Variants in LRIG3 observed in about 807,000 individuals in gnomAD.
The protein encoded by LRIG3 is leucine rich repeats and immunoglobulin like domains 3, also known as leucine-rich repeats and immunoglobulin-like domains protein 3.
In LRIG3, 76 loss-of-function variants were observed where a neutral mutation model predicts 114.5. The observed-to-expected ratio is 0.66, with a 90% CI of 0.55 to 0.80. LRIG3 has a LOEUF of 0.80. Ranked by LOEUF, LRIG3 falls within the 30% of genes least tolerant of loss-of-function variation. The pLI is 0.00. For missense variants in LRIG3, 1,239 were observed against 1,382.8 expected, an observed-to-expected ratio of 0.90 and a Z score of 1.65; for synonymous variants, 512 against 519.8, an observed-to-expected ratio of 0.98 and a Z score of 0.20.
chr12:58,890,368 T>A (rs1008260653), intron 4 of LRIG3, among the ~76,000 whole-genome samples: 4 of 152,242 alleles, frequency 2.6e-5, no homozygotes, highest in Admixed American at 2.6e-4. Context: ...ATCCACTTTT[T>A]ATGACATTCA....
chr12:58,886,936 G>T, intron 8 of LRIG3, 46 bp from the exon 9 acceptor site: 1 of 1,486,950 alleles, frequency 6.7e-7, no homozygotes, highest in Non-Finnish European at 9.3e-7. Flanking sequence ...AGCTCAGAAA[G>T]CCTAGTATCA....
At chr12:58,915,119 A>C (rs1293155779) in intron 1 of LRIG3, among the ~76,000 whole-genome samples, 1 of 152,230 alleles carries the variant, frequency 6.6e-6, no homozygotes, top group Admixed American at 6.5e-5. Flanking sequence ...TCTAGGCTAG[A>C]AAGTCATCTC....
In LRIG3 at chr12:58,880,924, G is replaced by A. The variant is rs867057683; in HGVS notation, c.1481-23C>T. The A allele has an allele frequency of 3.8e-6, 6 of 1,597,578 alleles. 1 individual carries two copies. In the South Asian group the frequency reaches 4.5e-5, roughly 12 times the overall value. On this transcript the variant is annotated intron_variant, in intron 12 of 18. Transcript: ENST00000320743. Reference sequence around the variant, plus strand: ...CATCTGTTAAAAATGGAGAGGAGGAGACAAAACAATGTTAAGGCTCAAGAG... The same window carrying A: ...CATCTGTTAAAAATGGAGAGGAGGAAACAAAACAATGTTAAGGCTCAAGAG...
intron 3 of LRIG3, among the ~76,000 whole-genome samples, chr12:58,892,928 T>A (rs535196353): frequency 6.6e-6 from 1 of 152,330 alleles, no homozygotes; most frequent in South Asian, 2.1e-4. Context: ...GATATGTACC[T>A]CCCTTGAAAA....
At chr12:58,904,825 AAG>A (rs1297465719) in intron 3 of LRIG3, among the ~76,000 whole-genome samples, 6 of 152,192 alleles carry the variant, frequency 3.9e-5, no homozygotes, top group Non-Finnish European at 5.9e-5. Flanking sequence ...GAGAAAATAA[AAG>A]ACATGATCTC....
At chr12:58,874,011 G>C in intron 18 of LRIG3, 44 bp downstream of exon 18, 1 of 1,604,102 alleles carries the variant, frequency 6.2e-7, no homozygotes, top group Non-Finnish European at 8.5e-7. Context: ...ACAACTTGGA[G>C]TATGGATCCT....
In LRIG3 at chr12:58,872,810, A is replaced by G. The variant is rs751821499; in HGVS notation, c.3122T>C (p.Phe1041Ser). The G allele has an allele frequency of 6.2e-6, 10 of 1,609,992 alleles. No homozygotes were observed. The highest frequency in any genetic ancestry group is 7.6e-6 in the Non-Finnish European group (9 of 1,177,380). The change falls in exon 19 of 19, where the codon TTT (phenylalanine) becomes TCT (serine). Residue 1041 changes from phenylalanine (F) to serine (S), a missense_variant. By Grantham distance (155) the Phe-to-Ser change is radical (BLOSUM62 -2). Transcript: ENST00000320743. Reference protein sequence around the residue: ...VASSNSFMGTFGKALRRPHLD... With the variant: ...VASSNSFMGTSGKALRRPHLD... ...GTGAGGTCTCCTGAGAGCTTTTCCA[A>G]AGGTACCTGAAAGAAAGAAACACCT... is the stretch of plus-strand genomic sequence containing the variant.
chr12:58,878,768 T>C, intron 14 of LRIG3, 56 bp downstream of exon 14: 1 of 1,542,204 alleles, frequency 6.5e-7, no homozygotes, highest in East Asian at 2.3e-5. Flanking sequence ...GGACCTTGGA[T>C]GAGCTAGTAT....
rs1235950568 is a variant in LRIG3 at position 58,920,167 on chromosome 12, G to A, written c.69C>T (p.Arg23=). Residue 23 remains arginine (R), a synonymous_variant, in exon 1 of 19, where the codon CGC becomes CGT. Coordinates refer to ENST00000320743, the MANE Select transcript of LRIG3 (RefSeq NM_153377.5). ...GACCGCCGCTGTCTGACCGGCCAGC[G>A]CGCCCCAGCACCGCGCACAGCAGCA... ...LGLLLCAVLG[R]AGRSDSGGRG... is the part of the protein sequence containing the mutation. 6.5e-7 allele frequency: 1 copy of A among 1,539,392 alleles called. No homozygotes were observed. The highest frequency in any genetic ancestry group is 1.2e-5 in the South Asian group (1 of 83,670).
chr12:58,888,895 A>C lies in LRIG3; in HGVS notation c.727T>G (p.Ser243Ala). 6.2e-7 allele frequency: 1 copy of C among 1,613,874 alleles called. No individual in the cohort carries two copies. Among genetic ancestry groups the C allele is most frequent in the South Asian group, 1.1e-5 (1 of 91,078 alleles). ...ACTCCATTTCTTTGCATTTTCAGAG[A>C]CTTCAGAGCACCAAGGCCTTGGAAT... ...LTFQGLGALK[S>A]LKMQRNGVTK... The change falls in exon 6 of 19, where the codon TCT (serine) becomes GCT (alanine). Residue 243 changes from serine (S) to alanine (A), a missense_variant. Ser to Ala is a moderately conservative substitution (Grantham distance 99, BLOSUM62 1). Transcript: ENST00000320743.
At chr12:58,887,756 G>A (rs199567844) in intron 8 of LRIG3, 33 bp downstream of exon 8, 114 of 1,605,024 alleles carry the variant, frequency 7.1e-5, no homozygotes, top group East Asian at 4.0e-4. Flanking sequence ...AACCAATTAC[G>A]TTCGAGTACT....
At chr12:58,898,387 G>T (rs1294349306) in intron 3 of LRIG3, among the ~76,000 whole-genome samples, 2 of 152,174 alleles carry the variant, frequency 1.3e-5, no homozygotes, top group Admixed American at 6.5e-5. Context: ...CAGATTTGTT[G>T]CAGAGAAGTC....
At chr12:58,895,259 T>C (rs1303350344) in intron 3 of LRIG3, among the ~76,000 whole-genome samples, 6 of 152,108 alleles carry the variant, frequency 3.9e-5, no homozygotes, top group Admixed American at 3.9e-4. Context: ...AACAGGGAGC[T>C]GTCCAGTGTG....
chr12:58,891,713 T>C (rs1871461814), intron 3 of LRIG3, among the ~76,000 whole-genome samples: 1 of 152,170 alleles, frequency 6.6e-6, no homozygotes, highest in Non-Finnish European at 1.5e-5. Context: ...CTTTCAATAG[T>C]ACAAAAGTAT....
At position 58,872,783 on chromosome 12, in the gene LRIG3, A is replaced by C; in HGVS notation, c.3149T>G (p.Leu1050Arg). The change falls in exon 19 of 19, where the codon CTA becomes CGA. Residue 1050 changes from leucine to arginine, a missense_variant. By Grantham distance (102) the Leu-to-Arg change is moderately radical. Coordinates refer to ENST00000320743, the MANE Select transcript of LRIG3 (RefSeq NM_153377.5). ...TFGKALRRPHLDAYSSFGQPS... is the reference protein window; with the variant it reads ...TFGKALRRPHRDAYSSFGQPS... ...CTGTCCAAAGCTTGAATAGGCATCT[A>C]GGTGAGGTCTCCTGAGAGCTTTTCC... 6.2e-7 allele frequency: 1 copy of C among 1,614,052 alleles called. No homozygotes were observed. The highest frequency in any genetic ancestry group is 8.5e-7 in the Non-Finnish European group (1 of 1,179,916).
intron 3 of LRIG3, among the ~76,000 whole-genome samples, chr12:58,905,147 G>A (rs767163989): frequency 9.9e-5 from 15 of 152,284 alleles, no homozygotes; most frequent in African/African-American, 2.2e-4. Flanking sequence ...AGCATTGTAC[G>A]TCTTGAGAAG....
chr12:58,873,747 C>T (rs1440700877), intron 18 of LRIG3: 1 of 410,220 alleles, frequency 2.4e-6, no homozygotes, highest in Non-Finnish European at 4.4e-6. Context: ...CCCAAAACCA[C>T]TTTTTCCACA....
rs545060894 is a variant in LRIG3 at position 58,891,640 on chromosome 12, T to G, written c.384-844A>C. On this transcript the variant is annotated intron_variant, in intron 3 of 18. Coordinates refer to ENST00000320743, the MANE Select transcript of LRIG3 (RefSeq NM_153377.5). ...CCATGCTAGAGAGATCCCCTTTTCT[T>G]TAAGAAATAGCAAGTTTCAAGGCAC... 3.3e-5 allele frequency among the ~76,000 whole-genome samples: 5 copies of G among 152,232 alleles called. No individual in the cohort carries two copies. The South Asian group carries it at 1.0e-3, about 32-fold the overall frequency.
At position 58,920,466 on chromosome 12, in the gene LRIG3, T is replaced by G. The variant is rs1872635203; in HGVS notation, c.-231A>C. On this transcript the variant is annotated 5_prime_UTR_variant, in exon 1 of 19. Coordinates refer to ENST00000320743, the MANE Select transcript of LRIG3 (RefSeq NM_153377.5). ...CTGCCAACTGCAACAGAGTTGCAGC[T>G]TGAGCAGCGTCGGCTCGCCGAAGCC... is the stretch of plus-strand genomic sequence containing the variant. 1.1e-5 allele frequency: 4 copies of G among 379,986 alleles called. No individual in the cohort carries two copies. Among genetic ancestry groups the G allele is most frequent in the Non-Finnish European group, 1.4e-5 (3 of 215,214 alleles). 23.5% of individuals were successfully genotyped at this position (379,986 alleles called of 1,614,324 possible). A position where few individuals can be genotyped will look rare whatever the true frequency, so the allele number is the denominator to read the frequency against.
Sources: allele counts gnomAD v4.1 joint callset (sites outside exome capture counted in the v4.1 genomes callset), GRCh38; gene constraint gnomAD v4.1.1; transcripts MANE v1.5; gene names NCBI Gene and HGNC (gene_info 2026-07-23, HGNC 2026-07-21).